PDE10A: variants seen among roughly 807,000 people sequenced by gnomAD.
PDE10A encodes cAMP and cAMP-inhibited cGMP 3',5'-cyclic phosphodiesterase 10A.
A neutral mutation model predicts 97.7 loss-of-function variants in PDE10A; 39 were observed. The ratio of observed to expected loss-of-function variants is 0.40; its 90% CI spans 0.31 to 0.52. PDE10A has a LOEUF of 0.52. Ranked by LOEUF, PDE10A falls within the 20% of genes least tolerant of loss-of-function variation. The pLI is 0.56. For synonymous variants in PDE10A, 371 were observed against 376.8 expected, an observed-to-expected ratio of 0.98 and a Z score of 0.18; for missense variants, 731 against 1,047.8, an observed-to-expected ratio of 0.70 and a Z score of 4.17.
At chr6:165,800,865 A>G (rs370765312) in intron 1 of PDE10A, among the ~76,000 whole-genome samples, 1 of 152,186 alleles carries the variant, frequency 6.6e-6, no homozygotes, top group Non-Finnish European at 1.5e-5. Context: ...GGCACGGAGG[A>G]GACACTATTG....
At position 165,708,774 on chromosome 6, in the gene PDE10A, C is replaced by G. The variant is rs1238979907; in HGVS notation, c.-614-165206G>C. On this transcript the variant is annotated intron_variant, in intron 1 of 19. Transcript: ENST00000366882. ...CCGCCATGCTGCCACGCTCACCCCC[C>G]ACTCTCCACCCACATGCTGCCGCGC... Among the ~76,000 whole-genome samples the G allele has an allele frequency of 3.6e-5, 5 of 138,096 alleles. 1 individual carries two copies. Among genetic ancestry groups the G allele is most frequent in the African/African-American group, 5.5e-5 (2 of 36,280 alleles). 90.6% of individuals were successfully genotyped at this position (138,096 alleles called of 152,430 possible).
rs76473993 is a variant in PDE10A at position 165,546,332 on chromosome 6, T to C, written c.866-2764A>G. Among the ~76,000 whole-genome samples the C allele has an allele frequency of 6.1e-3, 925 of 152,144 alleles. 15 individuals carry two copies. Among genetic ancestry groups the C allele is most frequent in the African/African-American group, 0.021 (889 of 41,550 alleles). Reference sequence around the variant, plus strand: ...ATGATGAAACTATTCTGTAAGACACTATAACGATGAATACATGACACTATG... The same window carrying C: ...ATGATGAAACTATTCTGTAAGACACCATAACGATGAATACATGACACTATG... On this transcript the variant is annotated intron_variant, in intron 1 of 21. Coordinates refer to ENST00000539869, the MANE Select transcript of PDE10A (RefSeq NM_001385079.1).
At chr6:165,398,521 T>C (rs1044879578) in intron 13 of PDE10A, among the ~76,000 whole-genome samples, 1 of 151,940 alleles carries the variant, frequency 6.6e-6, no homozygotes, top group African/African-American at 2.4e-5. Context: ...AAAGGTTGTA[T>C]TGGCTGTTCT....
At chr6:165,643,792 G>A (rs901727044) in intron 1 of PDE10A, among the ~76,000 whole-genome samples, 1 of 152,050 alleles carries the variant, frequency 6.6e-6, no homozygotes, top group Non-Finnish European at 1.5e-5. Flanking sequence ...TGGTTACCAT[G>A]GTTAATAATG....
At chr6:165,780,241 A>G (rs992029315) in intron 1 of PDE10A, 1 of 152,224 alleles carries the variant, frequency 6.6e-6, no homozygotes, top group African/African-American at 2.4e-5. Context: ...ATACTCTTTA[A>G]TGTTCAAAAA....
chr6:165,535,661 C>G (rs981500732), intron 2 of PDE10A, among the ~76,000 whole-genome samples: 2 of 151,444 alleles, frequency 1.3e-5, no homozygotes, highest in African/African-American at 4.8e-5. Context: ...TTGATAAGCA[C>G]TTAGATTGGT....
At chr6:165,447,113 T>A (rs928816571) in intron 5 of PDE10A, among the ~76,000 whole-genome samples, 14 of 151,926 alleles carry the variant, frequency 9.2e-5, no homozygotes, top group African/African-American at 2.4e-4. Flanking sequence ...AAAAATAAAA[T>A]TTTTTAAGCC....
In PDE10A at chr6:165,391,391, T is replaced by C. The variant is rs140225383; in HGVS notation, c.2454+1255A>G. Reference sequence around the variant, plus strand: ...ACTTATTGTTAAATTTTCAATTTTTTTGAATATAAATTACAATGCAACTTG... The same window carrying C: ...ACTTATTGTTAAATTTTCAATTTTTCTGAATATAAATTACAATGCAACTTG... On this transcript the variant is annotated intron_variant, in intron 16 of 21. Coordinates refer to ENST00000539869, the MANE Select transcript of PDE10A (RefSeq NM_001385079.1). Among the ~76,000 whole-genome samples, 700 of 152,326 alleles carry C rather than the reference T, an allele frequency of 4.6e-3. 4 individuals carry two copies. The highest frequency in any genetic ancestry group is 0.016 in the African/African-American group (661 of 41,576).
intron 1 of PDE10A, among the ~76,000 whole-genome samples, chr6:165,874,559 A>G (rs1781285232): frequency 6.6e-6 from 1 of 152,218 alleles, no homozygotes; most frequent in South Asian, 2.1e-4. Flanking sequence ...TTAGATGACT[A>G]CAAAACAGTT....
intron 17 of PDE10A, among the ~76,000 whole-genome samples, chr6:165,381,334 T>C (rs1447081775): frequency 6.6e-6 from 1 of 152,186 alleles, no homozygotes; most frequent in Non-Finnish European, 1.5e-5. Context: ...TACTTTGGAG[T>C]CATTACTTTT....
chr6:165,409,707 C>T lies in PDE10A; in HGVS notation c.2076+3794G>A, dbSNP rs555615041. ...GGGTGACTACTCGACAGAACTGCTG[C>T]TCCATATACTACTTGTCACTGTTGG... On this transcript the variant is annotated intron_variant, in intron 13 of 21. Coordinates refer to ENST00000539869, the MANE Select transcript of PDE10A (RefSeq NM_001385079.1). 63 of 152,466 alleles carry T rather than the reference C, an allele frequency of 4.1e-4. 1 individual carries two copies. The highest frequency in any genetic ancestry group is 1.5e-3 in the African/African-American group (62 of 41,542). The allele number at this position is 152,466 out of a possible 1,614,324, so 9.4% of individuals were successfully genotyped here.
intron 1 of PDE10A, among the ~76,000 whole-genome samples, chr6:165,845,592 T>C (rs1780393691): frequency 6.6e-6 from 1 of 152,218 alleles, no homozygotes; most frequent in Non-Finnish European, 1.5e-5. Flanking sequence ...CTAGAGGATA[T>C]GTTGAAACAG....
chr6:165,898,827 A>G (rs1193115371), intron 1 of PDE10A, among the ~76,000 whole-genome samples: 1 of 152,084 alleles, frequency 6.6e-6, no homozygotes, highest in African/African-American at 2.4e-5. Flanking sequence ...ATCCCAGCGC[A>G]CTGCCTTCCT....
chr6:165,572,810 G>A (rs926383346), intron 1 of PDE10A, among the ~76,000 whole-genome samples: 2 of 152,172 alleles, frequency 1.3e-5, no homozygotes, highest in African/African-American at 2.4e-5. Context: ...GCACTCCAGC[G>A]TGGGCGACAG....
At chr6:165,829,860 C>T (rs530149367) in intron 1 of PDE10A, among the ~76,000 whole-genome samples, 14 of 152,168 alleles carry the variant, frequency 9.2e-5, no homozygotes, top group Non-Finnish European at 1.2e-4. Context: ...AGCAGCCTTG[C>T]GGCCCCTAAC....
intron 1 of PDE10A, among the ~76,000 whole-genome samples, chr6:165,796,971 G>A (rs1392427048): frequency 1.3e-5 from 2 of 152,270 alleles, no homozygotes; most frequent in East Asian, 3.9e-4. Flanking sequence ...TATTCTGGAA[G>A]TTAGGTATAA....
At chr6:165,731,305 G>C (rs1302315426) in intron 1 of PDE10A, among the ~76,000 whole-genome samples, 2 of 152,202 alleles carry the variant, frequency 1.3e-5, no homozygotes, top group Non-Finnish European at 1.5e-5. Context: ...CCTGTATGGG[G>C]AAAGTGCTAT....
At chr6:165,919,848 A>G (rs1206993016) in intron 1 of PDE10A, among the ~76,000 whole-genome samples, 1 of 152,222 alleles carries the variant, frequency 6.6e-6, no homozygotes. Flanking sequence ...GCTCAGTGGA[A>G]GTCAGACGGA....
At chr6:165,509,245 T>A (rs778448136) in intron 2 of PDE10A, among the ~76,000 whole-genome samples, 1 of 151,976 alleles carries the variant, frequency 6.6e-6, no homozygotes, top group Non-Finnish European at 1.5e-5. Flanking sequence ...ATCATTTCTA[T>A]GTGTTTGTAA....
Sources: gnomAD v4.1 joint callset for allele counts (sites outside exome capture counted in the v4.1 genomes callset) on GRCh38, gnomAD v4.1.1 for gene constraint, MANE v1.5 for transcripts, NCBI Gene and HGNC (gene_info 2026-07-23, HGNC 2026-07-21) for gene names.